KCTD1: variants seen among roughly 807,000 people sequenced by gnomAD.
The protein encoded by KCTD1 is BTB/POZ domain-containing protein KCTD1.
A neutral mutation model predicts 66.0 loss-of-function variants in KCTD1; 24 were observed. The ratio of observed to expected loss-of-function variants is 0.36; its 90% CI spans 0.26 to 0.51. The LOEUF is 0.51. Ranked by LOEUF, KCTD1 falls within the 20% of genes least tolerant of loss-of-function variation. The pLI is 0.95. For synonymous variants in KCTD1, 511 were observed against 517.2 expected (o/e 0.99, Z 0.16); for missense variants, 943 against 1,205.2 (o/e 0.78, Z 3.22).
chr18:26,564,686 T>C (rs1985940230), intron 1 of KCTD1, among the ~76,000 whole-genome samples: 1 of 151,554 alleles, frequency 6.6e-6, no homozygotes, highest in South Asian at 2.1e-4. Flanking sequence ...GGTCAGGAGT[T>C]CAAGACCAGC....
At chr18:26,654,144 T>C (rs1988085050) in intron 1 of KCTD1, among the ~76,000 whole-genome samples, 1 of 152,226 alleles carries the variant, frequency 6.6e-6, no homozygotes, top group Admixed American at 6.5e-5. Context: ...CAAGCAATTG[T>C]TATTGCTAAA....
chr18:26,551,541 A>G (rs1480201077), upstream of KCTD1, among the ~76,000 whole-genome samples: 2 of 152,178 alleles, frequency 1.3e-5, no homozygotes, highest in African/African-American at 4.8e-5. Context: ...CCCGTAGGAT[A>G]CTTCATTAAA....
At chr18:26,646,800 TTC>T (rs1314226372) in intron 1 of KCTD1, among the ~76,000 whole-genome samples, 3 of 152,210 alleles carry the variant, frequency 2.0e-5, no homozygotes, top group East Asian at 1.9e-4. Flanking sequence ...GCTAGAAACA[TTC>T]TGTTTCTAAT....
At position 26,532,257 on chromosome 18, in the gene KCTD1, CCTTCTTTTTTTTTTT is replaced by C. The variant is rs1440921054; in HGVS notation, c.1809+14456_1809+14470del. On this transcript the variant is annotated intron_variant, in intron 1 of 4. Transcript: ENST00000580059. ...TATTCTTTTTCTTTTTCTTTTCTTTCCTTCTTTTTTTTTTTTTTTTTTTTTTTTTTGAGACAGGGC... is the reference window on the plus strand; with the variant it reads ...TATTCTTTTTCTTTTTCTTTTCTTTCTTTTTTTTTTTTTTTGAGACAGGGC... Among the ~76,000 whole-genome samples the C allele has an allele frequency of 5.7e-3, 734 of 128,190 alleles. 5 individuals carry two copies. Among genetic ancestry groups the C allele is most frequent in the Middle Eastern group, 0.016 (4 of 250 alleles). The allele number at this position is 128,190 out of a possible 152,430, so 84.1% of individuals were successfully genotyped here. A position where few individuals can be genotyped will look rare whatever the true frequency, so the allele number is the denominator to read the frequency against.
At position 26,454,971 on chromosome 18, in the gene KCTD1, A is replaced by G. The variant is rs1323580953; in HGVS notation, c.*772T>C. 6.6e-6 allele frequency: 1 copy of G among 152,666 alleles called. No homozygotes were observed. The highest frequency in any genetic ancestry group is 1.9e-4 in the East Asian group (1 of 5,200). 9.5% of individuals were successfully genotyped at this position (152,666 alleles called of 1,614,324 possible). A position where few individuals can be genotyped will look rare whatever the true frequency, so the allele number is the denominator to read the frequency against. ...ACCCCCACATGTGTGTTTCACACAG[A>G]CCTTATTTTTTAAACAGAGTTTATT... On this transcript the variant is annotated 3_prime_UTR_variant, in exon 5 of 5. Transcript: ENST00000580059.
intron 1 of KCTD1, among the ~76,000 whole-genome samples, chr18:26,539,917 A>C (rs932261620): frequency 6.6e-6 from 1 of 152,236 alleles, no homozygotes; most frequent in Admixed American, 6.5e-5. Context: ...TGAAGATATT[A>C]TCTATGAACA....
At chr18:26,513,756 C>A (rs1325485055) in intron 1 of KCTD1, among the ~76,000 whole-genome samples, 2 of 152,134 alleles carry the variant, frequency 1.3e-5, no homozygotes, top group Non-Finnish European at 2.9e-5. Context: ...CATAGAGATT[C>A]AAATATCTTA....
At chr18:26,471,265 A>G (rs9961244) in intron 3 of KCTD1, among the ~76,000 whole-genome samples, 30,729 of 151,506 alleles carry the variant, frequency 0.2, 3,284 homozygotes, top group African/African-American at 0.22. Context: ...TCTGTAATCT[A>G]TAACACGCTG....
chr18:26,640,216 G>C (rs964461458), intron 1 of KCTD1: 17 of 152,560 alleles, frequency 1.1e-4, no homozygotes, highest in Admixed American at 1.1e-3. Context: ...TGGGAGGATT[G>C]CTTGAGCCCA....
At chr18:26,617,357 C>T (rs184331126) in intron 1 of KCTD1, among the ~76,000 whole-genome samples, 223 of 152,288 alleles carry the variant, frequency 1.5e-3, no homozygotes, top group African/African-American at 5.1e-3. Context: ...TGTCAACTGC[C>T]GTACAAAGAT....
intron 1 of KCTD1, among the ~76,000 whole-genome samples, chr18:26,583,507 C>T (rs528105390): frequency 6.6e-6 from 1 of 151,800 alleles, no homozygotes; most frequent in African/African-American, 2.4e-5. Flanking sequence ...CTAAAACTAC[C>T]AAATCATCTA....
intron 1 of KCTD1, among the ~76,000 whole-genome samples, chr18:26,649,669 C>G (rs1452895524): frequency 6.6e-6 from 1 of 152,046 alleles, no homozygotes; most frequent in Admixed American, 6.5e-5. Flanking sequence ...CCACCACGCC[C>G]GGCTAATTTT....
At chr18:26,461,503 G>A (rs1413339160) in intron 3 of KCTD1, among the ~76,000 whole-genome samples, 1 of 152,182 alleles carries the variant, frequency 6.6e-6, no homozygotes, top group African/African-American at 2.4e-5. Flanking sequence ...TTGCTTTAAG[G>A]AGCTGAAAAC....
intron 1 of KCTD1, 44 bp from the exon 2 acceptor site, chr18:26,501,294 T>C: frequency 6.6e-7 from 1 of 1,518,508 alleles, no homozygotes; most frequent in Non-Finnish European, 9.0e-7. Context: ...CTCTTTACAG[T>C]AGAAAGATAG....
intron 4 of KCTD1, chr18:26,458,560 T>C (rs997743252): frequency 1.3e-5 from 2 of 152,174 alleles, no homozygotes; most frequent in Non-Finnish European, 2.9e-5. Flanking sequence ...CCTGTTAGGG[T>C]TGTAAGAAGA....
chr18:26,521,544 C>T (rs904920806), intron 1 of KCTD1, among the ~76,000 whole-genome samples: 5 of 152,278 alleles, frequency 3.3e-5, no homozygotes, highest in Non-Finnish European at 5.9e-5. Context: ...TACAGGGCTA[C>T]GGGCACAGTA....
chr18:26,563,370 A>G (rs1413569400), intron 1 of KCTD1, among the ~76,000 whole-genome samples: 2 of 152,176 alleles, frequency 1.3e-5, no homozygotes, highest in Admixed American at 6.5e-5. Context: ...ACTCCTTTAC[A>G]GGGGTCCACC....
intron 1 of KCTD1, among the ~76,000 whole-genome samples, chr18:26,554,221 CAGAA>C (rs1240892758): frequency 1.3e-5 from 2 of 148,436 alleles, no homozygotes; most frequent in Middle Eastern, 3.5e-3. Flanking sequence ...GGGAACAATT[CAGAA>C]AGAAAGAAAA....
upstream of KCTD1, among the ~76,000 whole-genome samples, chr18:26,551,817 C>T (rs1280996991): frequency 1.3e-5 from 2 of 152,202 alleles, no homozygotes; most frequent in Non-Finnish European, 2.9e-5. Flanking sequence ...CTTATTATTT[C>T]TGTAGAGGCA....
Sources: gnomAD v4.1 joint callset for allele counts (sites outside exome capture counted in the v4.1 genomes callset) on GRCh38, gnomAD v4.1.1 for gene constraint, MANE v1.5 for transcripts, NCBI Gene and HGNC (gene_info 2026-07-23, HGNC 2026-07-21) for gene names.